EYS: variants seen among roughly 807,000 people sequenced by gnomAD.
EYS encodes the protein protein eyes shut homolog.
Under a neutral mutation model 282.1 loss-of-function variants are expected in EYS, and 250 were observed. The observed-to-expected ratio is 0.89, with a 90% CI of 0.80 to 0.98. The LOEUF is 0.98. EYS is among the 50% of genes least tolerant of loss of function. The probability of loss-of-function intolerance (pLI) is 0.00; values close to 1 mark genes in which losing one functional copy is unlikely to be tolerated. For missense variants in EYS, 4,016 were observed against 3,709.0 expected (o/e 1.08, Z -2.15); for synonymous variants, 1,355 against 1,282.9 (o/e 1.06, Z -1.20).
chr6:65,540,059 C>G (rs556139672), intron 2 of EYS, among the ~76,000 whole-genome samples: 34 of 152,314 alleles, frequency 2.2e-4, no homozygotes, highest in African/African-American at 7.5e-4. Flanking sequence ...TCTTTGCACA[C>G]ACTAAACACT....
chr6:64,048,507 C>G (rs891142939), intron 33 of EYS, among the ~76,000 whole-genome samples: 2 of 152,048 alleles, frequency 1.3e-5, no homozygotes, highest in African/African-American at 4.8e-5. Flanking sequence ...TTGTAGAAAC[C>G]TTGGTCATGG....
chr6:64,666,521 T>C (rs1769232886), intron 22 of EYS, among the ~76,000 whole-genome samples: 1 of 152,244 alleles, frequency 6.6e-6, no homozygotes, highest in Admixed American at 6.5e-5. Flanking sequence ...TTACTTTCAC[T>C]GTGTCAACTT....
At chr6:65,416,244 C>CA (rs945297626) in intron 5 of EYS, among the ~76,000 whole-genome samples, 4 of 151,698 alleles carry the variant, frequency 2.6e-5, no homozygotes, top group Non-Finnish European at 5.9e-5. Flanking sequence ...TATCTAAATA[C>CA]AAAAAATACA....
chr6:63,947,762 C>T (rs1488175036), intron 35 of EYS, among the ~76,000 whole-genome samples: 1 of 152,164 alleles, frequency 6.6e-6, no homozygotes, highest in Non-Finnish European at 1.5e-5. Flanking sequence ...AAAATGCCCC[C>T]TGACAGAAAG....
chr6:64,319,205 A>G (rs1164504514), intron 29 of EYS, among the ~76,000 whole-genome samples: 1 of 152,022 alleles, frequency 6.6e-6, no homozygotes, highest in Non-Finnish European at 1.5e-5. Flanking sequence ...TTGGTTTGGA[A>G]TCAATTAAGA....
intron 33 of EYS, among the ~76,000 whole-genome samples, chr6:64,002,098 G>A (rs1470097820): frequency 1.3e-5 from 2 of 152,170 alleles, no homozygotes; most frequent in Non-Finnish European, 2.9e-5. Context: ...CAGCAGACTA[G>A]CAGACCAGCC....
chr6:64,397,203 G>T (rs1288869929), intron 28 of EYS, among the ~76,000 whole-genome samples: 1 of 151,846 alleles, frequency 6.6e-6, no homozygotes, highest in East Asian at 1.9e-4. Flanking sequence ...TATGATATAT[G>T]GCTTTCTTAT....
chr6:64,813,261 T>C (rs899073186), intron 22 of EYS, 117 bp downstream of exon 22: 4 of 651,620 alleles, frequency 6.1e-6, no homozygotes, highest in Non-Finnish European at 1.0e-5. Flanking sequence ...TATATATATA[T>C]AAGGTAAAAT....
At chr6:64,648,728 C>T (rs1768444176) in intron 22 of EYS, among the ~76,000 whole-genome samples, 1 of 151,954 alleles carries the variant, frequency 6.6e-6, no homozygotes, top group Non-Finnish European at 1.5e-5. Context: ...TCAGAAGGTA[C>T]AACTACTAAC....
intron 2 of EYS, among the ~76,000 whole-genome samples, chr6:65,614,486 T>C (rs1318050647): frequency 6.6e-6 from 1 of 152,002 alleles, no homozygotes. Flanking sequence ...AAAAATTATA[T>C]ATATGTTGGA....
At chr6:64,392,176 G>A (rs569598644) in intron 28 of EYS, among the ~76,000 whole-genome samples, 1 of 150,800 alleles carries the variant, frequency 6.6e-6, no homozygotes, top group Non-Finnish European at 1.5e-5. Context: ...CATTAATAAT[G>A]GGAGACTTTA....
intron 34 of EYS, among the ~76,000 whole-genome samples, chr6:63,991,523 A>G (rs1192524040): frequency 6.6e-6 from 1 of 151,592 alleles, no homozygotes; most frequent in East Asian, 1.9e-4. Flanking sequence ...AAGAGGACCA[A>G]CCAAAAATTT....
At chr6:64,126,574 ATTC>A (rs1773794734) in intron 31 of EYS, among the ~76,000 whole-genome samples, 2 of 151,966 alleles carry the variant, frequency 1.3e-5, no homozygotes, top group African/African-American at 4.8e-5. Context: ...TCGTTTTTAA[ATTC>A]TTATTTTCTC....
chr6:65,377,372 G>A (rs1030926804), intron 8 of EYS, among the ~76,000 whole-genome samples: 2 of 152,114 alleles, frequency 1.3e-5, no homozygotes, highest in African/African-American at 4.8e-5. Flanking sequence ...GAGAGCTAAA[G>A]CACTATTTAC....
intron 22 of EYS, among the ~76,000 whole-genome samples, chr6:64,797,996 A>G (rs114289124): frequency 0.041 from 6,280 of 151,900 alleles, 153 homozygotes; most frequent in East Asian, 0.073. Context: ...ATAAACCTAG[A>G]TATATATACA....
chr6:65,452,048 A>C (rs1187466463), intron 5 of EYS, among the ~76,000 whole-genome samples: 1 of 151,674 alleles, frequency 6.6e-6, no homozygotes, highest in Non-Finnish European at 1.5e-5. Flanking sequence ...GCTTAAATGC[A>C]ACTATTAGTA....
chr6:65,630,037 T>C (rs543941590), intron 2 of EYS, among the ~76,000 whole-genome samples: 2 of 152,134 alleles, frequency 1.3e-5, no homozygotes, highest in Non-Finnish European at 2.9e-5. Context: ...CAGAACTGGA[T>C]TGCTAATCCT....
chr6:64,529,027 T>A (rs2150530403), intron 26 of EYS, among the ~76,000 whole-genome samples: 1 of 152,188 alleles, frequency 6.6e-6, no homozygotes, highest in Non-Finnish European at 1.5e-5. Flanking sequence ...GTTTTTTGAA[T>A]CTATTAGATC....
chr6:64,965,829 T>C (rs925652677), intron 14 of EYS, among the ~76,000 whole-genome samples: 1 of 152,148 alleles, frequency 6.6e-6, no homozygotes, highest in Non-Finnish European at 1.5e-5. Context: ...ATATTTTATA[T>C]ATTAGAGATA....
Sources: allele counts gnomAD v4.1 joint callset (sites outside exome capture counted in the v4.1 genomes callset), GRCh38; gene constraint gnomAD v4.1.1; transcripts MANE v1.5; gene names NCBI Gene and HGNC (gene_info 2026-07-23, HGNC 2026-07-21).